Variants in VAV1 observed in about 807,000 individuals in gnomAD.
VAV1 encodes proto-oncogene vav.
In VAV1, 33 loss-of-function variants were observed where a neutral mutation model predicts 128.1. The ratio of observed to expected loss-of-function variants is 0.26; its 90% CI spans 0.20 to 0.34. The LOEUF (loss-of-function observed/expected upper bound fraction) is 0.34. VAV1 is among the 10% of genes least tolerant of loss of function. The pLI, the probability that VAV1 is intolerant of heterozygous loss-of-function variation, is 1.00. For synonymous variants in VAV1, 394 were observed against 409.8 expected, an observed-to-expected ratio of 0.96 and a Z score of 0.47; for missense variants, 715 against 1,093.7, an observed-to-expected ratio of 0.65 and a Z score of 4.88.
intron 1 of VAV1, among the ~76,000 whole-genome samples, chr19:6,800,934 A>G (rs1318993045): frequency 6.6e-6 from 1 of 152,004 alleles, no homozygotes; most frequent in African/African-American, 2.4e-5. Context: ...GCCGCTCACC[A>G]TCTCTTTGTC....
chr19:6,804,792 T>C (rs184747320), intron 1 of VAV1, among the ~76,000 whole-genome samples: 149 of 149,610 alleles, frequency 1.0e-3, no homozygotes, highest in Non-Finnish European at 1.4e-3. Context: ...GGCGCAATCT[T>C]GGCTCACTGC....
chr19:6,786,998 C>T (rs1019944174), intron 1 of VAV1, among the ~76,000 whole-genome samples: 3 of 150,590 alleles, frequency 2.0e-5, no homozygotes, highest in Non-Finnish European at 4.4e-5. Context: ...CACGGTCAGG[C>T]CCATTTGTTG....
In VAV1 at chr19:6,828,532, C is replaced by A; in HGVS notation, c.1092+45C>A. ...TGGTGACTCACCTGCTGCAGACACCCTCCTGGTAGGGGCTGATCCTCTAGC... is the reference window on the plus strand; with the variant it reads ...TGGTGACTCACCTGCTGCAGACACCATCCTGGTAGGGGCTGATCCTCTAGC... On this transcript the variant is annotated intron_variant, in intron 11 of 26. Coordinates refer to ENST00000602142, the MANE Select transcript of VAV1 (RefSeq NM_005428.4). This position sits in a 1 kb window ranked among gnomAD's most constrained non-coding sequence, Gnocchi z 4.5. 6.2e-7 allele frequency: 1 copy of A among 1,613,818 alleles called. No homozygotes were observed. Among genetic ancestry groups the A allele is most frequent in the Non-Finnish European group, 8.5e-7 (1 of 1,179,778 alleles).
At chr19:6,813,840 G>A (rs2144753285) in intron 1 of VAV1, among the ~76,000 whole-genome samples, 1 of 152,082 alleles carries the variant, frequency 6.6e-6, no homozygotes, top group East Asian at 1.9e-4. Flanking sequence ...AGTCACTTGA[G>A]GCCAGGAGTT....
At chr19:6,810,281 G>T (rs1242309901) in intron 1 of VAV1, among the ~76,000 whole-genome samples, 1 of 152,006 alleles carries the variant, frequency 6.6e-6, no homozygotes, top group African/African-American at 2.4e-5. Context: ...CAAGGCTGCA[G>T]ATTGCACTAC....
chr19:6,825,048 C>T lies in VAV1; in HGVS notation c.655-5C>T, dbSNP rs370736596. The T allele has an allele frequency of 5.9e-5, 96 of 1,613,932 alleles. No individual in the cohort carries two copies. The African/African-American group carries it at 9.3e-4, about 16-fold the overall frequency. On this transcript the variant is annotated splice_region_variant and splice_polypyrimidine_tract_variant and intron_variant, in intron 6 of 26. Transcript: ENST00000602142. ...TTCCGTCATCTTTCTCTCCCTTCCC[C>T]GCAGCATTTCTTGAAGCCCCTGCAA...
intron 21 of VAV1, among the ~76,000 whole-genome samples, chr19:6,839,224 T>A (rs1479845318): frequency 1.4e-5 from 2 of 143,650 alleles, no homozygotes; most frequent in East Asian, 2.0e-4. Context: ...TGTGTGTGAT[T>A]TTTTTTTTTT....
rs913906109 is a variant in VAV1, at chr19:6,822,902, TATG to T, written c.654+391_654+393del. On this transcript the variant is annotated intron_variant, in intron 6 of 26. Transcript: ENST00000602142. This position sits in a 1 kb window ranked among gnomAD's most constrained non-coding sequence, Gnocchi z 5.9. ...ATATGTATAAAATATAAACATGATA[TATG>T]ATATTTATAAGATATAAAATATATA... Among the ~76,000 whole-genome samples the T allele has an allele frequency of 1.4e-5, 2 of 147,352 alleles. No individual in the cohort carries two copies. Among genetic ancestry groups the T allele is most frequent in the African/African-American group, 2.5e-5 (1 of 40,790 alleles).
Position 6,833,950 on chromosome 19 carries a change from C to A in VAV1, c.1774C>A (p.Leu592Met), listed in dbSNP as rs1380290504. The part of the protein sequence containing the change: ...RRAQDKKRNE[L>M]GLPKMEVFQE... ...GGCTCAGGACAAAAAGAGGAATGAGCTGGGTGAGTTGGCAGGGGTTGCTGT... is the reference window on the plus strand; with the variant it reads ...GGCTCAGGACAAAAAGAGGAATGAGATGGGTGAGTTGGCAGGGGTTGCTGT... The change falls in exon 19 of 27, where the codon CTG (leucine) becomes ATG (methionine). Residue 592 changes from leucine to methionine, a missense_variant. Around this residue, in one of 3 missense-constraint regions of VAV1, gnomAD observed 407 missense variants for 580.6 expected, o/e 0.70. Transcript: ENST00000602142. The A allele has an allele frequency of 6.2e-7, 1 of 1,613,974 alleles. No individual in the cohort carries two copies. Among genetic ancestry groups the A allele is most frequent in the South Asian group, 1.1e-5 (1 of 91,066 alleles).
intron 1 of VAV1, among the ~76,000 whole-genome samples, chr19:6,814,679 T>TCTTTCTTTCTTC (rs1568299242): frequency 1.1e-5 from 1 of 90,302 alleles, no homozygotes; most frequent in African/African-American, 6.7e-5. Flanking sequence ...TTCCTTTCTT[T>TCTTTCTTTCTTC]CTTTCTTTCT....
At position 6,833,905 on chromosome 19, in the gene VAV1, C is replaced by T; in HGVS notation, c.1732-3C>T. 1 of 1,614,096 alleles carries T rather than the reference C, an allele frequency of 6.2e-7. No homozygotes were observed. Among genetic ancestry groups the T allele is most frequent in the Non-Finnish European group, 8.5e-7 (1 of 1,180,038 alleles). On this transcript the variant is annotated splice_polypyrimidine_tract_variant and splice_region_variant and intron_variant, in intron 18 of 26. Transcript: ENST00000602142. Reference sequence around the variant, plus strand: ...GACAGGCTTTCTTTGTTTCTCCTTCCAGGACAAACTACATCGCAGGGCTCA... The same window carrying T: ...GACAGGCTTTCTTTGTTTCTCCTTCTAGGACAAACTACATCGCAGGGCTCA...
At chr19:6,789,945 C>T (rs1338942558) in intron 1 of VAV1, among the ~76,000 whole-genome samples, 1 of 152,062 alleles carries the variant, frequency 6.6e-6, no homozygotes, top group Non-Finnish European at 1.5e-5. Context: ...GTGGCTCATG[C>T]CTGTAATCTC....
intron 1 of VAV1, among the ~76,000 whole-genome samples, chr19:6,776,455 TCCACCCAC>T (rs1599610631): frequency 8.2e-6 from 1 of 122,282 alleles, no homozygotes; most frequent in African/African-American, 3.2e-5. Flanking sequence ...CACCCACCCA[TCCACCCAC>T]CCATCCATCC....
At position 6,832,219 on chromosome 19, in the gene VAV1, C is replaced by T. The variant is rs760148080; in HGVS notation, c.1508+19C>T. Reference sequence around the variant, plus strand: ...TGGCCATGTGAGTCCCCGTCTTCCTCCCTCTTTCTGTCCACAGAGGGGCAG... The same window carrying T: ...TGGCCATGTGAGTCCCCGTCTTCCTTCCTCTTTCTGTCCACAGAGGGGCAG... On this transcript the variant is annotated intron_variant, in intron 15 of 26. Coordinates refer to ENST00000602142, the MANE Select transcript of VAV1 (RefSeq NM_005428.4). 1 of 1,611,928 alleles carries T rather than the reference C, an allele frequency of 6.2e-7. No homozygotes were observed. The highest frequency in any genetic ancestry group is 8.5e-7 in the Non-Finnish European group (1 of 1,178,140).
At chr19:6,783,795 G>A (rs1244001806) in intron 1 of VAV1, among the ~76,000 whole-genome samples, 1 of 152,166 alleles carries the variant, frequency 6.6e-6, no homozygotes, top group African/African-American at 2.4e-5. Flanking sequence ...CCAGAACTTG[G>A]TCACATGGCT....
intron 1 of VAV1, among the ~76,000 whole-genome samples, chr19:6,799,078 T>C (rs1971205539): frequency 6.6e-6 from 1 of 152,176 alleles, no homozygotes; most frequent in South Asian, 2.1e-4. Flanking sequence ...GGTTCATCCA[T>C]GTTGTTGTAT....
intron 1 of VAV1, among the ~76,000 whole-genome samples, chr19:6,780,181 C>T (rs1356621655): frequency 6.7e-6 from 1 of 149,188 alleles, no homozygotes; most frequent in African/African-American, 2.4e-5. Flanking sequence ...AATCATTTTC[C>T]AGCTCCTCTG....
chr19:6,847,812 TC>T (rs1568317724), intron 22 of VAV1, among the ~76,000 whole-genome samples, 185 bp from the exon 23 acceptor site: 1 of 152,184 alleles, frequency 6.6e-6, no homozygotes, highest in Non-Finnish European at 1.5e-5. Context: ...GGAAGCCCGC[TC>T]CCCATGTCTG....
At chr19:6,843,533 A>G (rs1972433202) in intron 22 of VAV1, among the ~76,000 whole-genome samples, 1 of 152,020 alleles carries the variant, frequency 6.6e-6, no homozygotes, top group Non-Finnish European at 1.5e-5. Context: ...ATAGGGGTGG[A>G]GGTTTACAGT....
Sources: gnomAD v4.1 joint callset for allele counts (sites outside exome capture counted in the v4.1 genomes callset) on GRCh38, gnomAD v4.1.1 for gene constraint, gnomAD v4.1.1 regional missense constraint, Gnocchi (gnomAD v3.1) non-coding constraint, MANE v1.5 for transcripts, NCBI Gene and HGNC (gene_info 2026-07-23, HGNC 2026-07-21) for gene names.